The following RABEP1 variants were observed in gnomAD, a reference collection of about 807,000 sequenced individuals.
The protein encoded by RABEP1 is rabaptin, RAB GTPase binding effector protein 1.
In RABEP1, 51 loss-of-function variants were observed where a neutral mutation model predicts 123.4. The ratio of observed to expected loss-of-function variants is 0.41; its 90% confidence interval spans 0.33 to 0.52. The LOEUF (loss-of-function observed/expected upper bound fraction) is 0.52. RABEP1 is among the 20% of genes least tolerant of loss of function. RABEP1 has a pLI of 0.16. For synonymous variants in RABEP1, 347 were observed against 355.2 expected, an observed-to-expected ratio of 0.98 and a Z score of 0.26; for missense variants, 888 against 996.3, an observed-to-expected ratio of 0.89 and a Z score of 1.46.
intron 1 of RABEP1, among the ~76,000 whole-genome samples, chr17:5,306,364 A>G (rs1347558613): frequency 2.0e-5 from 3 of 152,230 alleles, no homozygotes; most frequent in Non-Finnish European, 4.4e-5. Flanking sequence ...ACGGTGGCTC[A>G]TGCCTGTGAT....
intron 8 of RABEP1, among the ~76,000 whole-genome samples, chr17:5,360,398 T>C (rs1217390430): frequency 1.3e-5 from 2 of 152,110 alleles, no homozygotes; most frequent in Non-Finnish European, 2.9e-5. Flanking sequence ...CCATCTCTAC[T>C]AAAAATAGAA....
At chr17:5,308,599 C>T in intron 1 of RABEP1, 95 bp from the exon 2 acceptor site, 2 of 1,127,346 alleles carry the variant, frequency 1.8e-6, no homozygotes, top group South Asian at 1.8e-5. Flanking sequence ...CTACTTGTTT[C>T]ACGTATAGCA....
intron 8 of RABEP1, among the ~76,000 whole-genome samples, chr17:5,355,813 T>C (rs1180241277): frequency 5.3e-5 from 8 of 152,216 alleles, no homozygotes; most frequent in Non-Finnish European, 1.5e-5. Flanking sequence ...TATATTGAAG[T>C]TGTTTTGTTC....
chr17:5,360,972 TGAAGCCGTA>T, intron 8 of RABEP1: 1 of 502,238 alleles, frequency 2.0e-6, no homozygotes, highest in Non-Finnish European at 3.6e-6. Context: ...TTTTTTTTTT[TGAAGCCGTA>T]TGTATCTCGA....
At chr17:5,302,508 TG>T (rs2075144589) in intron 1 of RABEP1, among the ~76,000 whole-genome samples, 1 of 151,750 alleles carries the variant, frequency 6.6e-6, no homozygotes, top group African/African-American at 2.4e-5. Context: ...CCCAAGATGC[TG>T]GGATTACAGT....
At chr17:5,290,167 A>C (rs1235904098) in intron 1 of RABEP1, among the ~76,000 whole-genome samples, 1 of 152,196 alleles carries the variant, frequency 6.6e-6, no homozygotes, top group East Asian at 1.9e-4. Context: ...AGCTCACTGC[A>C]AGCTCCGCCT....
intron 8 of RABEP1, chr17:5,356,381 TTTGGAGAG>T (rs1185220516): frequency 6.5e-6 from 1 of 154,256 alleles, no homozygotes; most frequent in Non-Finnish European, 1.4e-5. Context: ...TCTGAGATGC[TTTGGAGAG>T]TTGGATTTAT....
intron 2 of RABEP1, among the ~76,000 whole-genome samples, chr17:5,310,300 C>G (rs7212514): frequency 0.45 from 41,933 of 93,116 alleles, 8,640 homozygotes; most frequent in East Asian, 0.78. Context: ...AAAGCTTCGT[C>G]CTTTTTTTTT....
chr17:5,338,102 G>A lies in RABEP1; in HGVS notation c.612G>A (p.Glu204=). 6.2e-7 allele frequency: 1 copy of A among 1,613,436 alleles called. No homozygotes were observed. Among genetic ancestry groups the A allele is most frequent in the Non-Finnish European group, 8.5e-7 (1 of 1,179,540 alleles). ...EIAALKDKLT[E]AEDKIKELEA... ...CAGCTTTGAAGGATAAACTGACAGAGGCTGAAGACAAAATTAAAGAGCTGG... is the reference window on the plus strand; with the variant it reads ...CAGCTTTGAAGGATAAACTGACAGAAGCTGAAGACAAAATTAAAGAGCTGG... The change falls in exon 5 of 18, where the codon GAG becomes GAA. Residue 204 remains glutamate, a synonymous_variant. Transcript: ENST00000537505.
At chr17:5,367,554 T>G (rs561100375) in intron 11 of RABEP1, among the ~76,000 whole-genome samples, 2 of 148,836 alleles carry the variant, frequency 1.3e-5, no homozygotes, top group African/African-American at 2.5e-5. Flanking sequence ...CAGGCGTGAG[T>G]CACCGTGCCC....
chr17:5,308,049 A>G (rs1222807999), intron 1 of RABEP1, among the ~76,000 whole-genome samples: 1 of 152,206 alleles, frequency 6.6e-6, no homozygotes, highest in African/African-American at 2.4e-5. Flanking sequence ...TTGTGGGATA[A>G]GTAGTTCAAA....
chr17:5,302,729 T>A (rs531927341), intron 1 of RABEP1, among the ~76,000 whole-genome samples: 1 of 152,032 alleles, frequency 6.6e-6, no homozygotes, highest in South Asian at 2.1e-4. Flanking sequence ...GATCTCACTC[T>A]GTTGCCCAGG....
At chr17:5,297,554 T>C (rs1336277912) in intron 1 of RABEP1, among the ~76,000 whole-genome samples, 1 of 152,212 alleles carries the variant, frequency 6.6e-6, no homozygotes. Flanking sequence ...ACTAGCTGTA[T>C]ATCAATAGGT....
intron 2 of RABEP1, among the ~76,000 whole-genome samples, chr17:5,328,530 C>A (rs561359880): frequency 6.6e-6 from 1 of 151,634 alleles, no homozygotes; most frequent in African/African-American, 2.4e-5. Flanking sequence ...CCTATAGTCC[C>A]AGCTACGTGG....
chr17:5,300,486 G>A (rs1245772960), intron 1 of RABEP1, among the ~76,000 whole-genome samples: 1 of 152,164 alleles, frequency 6.6e-6, no homozygotes, highest in Non-Finnish European at 1.5e-5. Context: ...TACTGAGGTA[G>A]TATTGGTCAA....
In RABEP1 at chr17:5,331,662, C is replaced by G. The variant is rs541037078; in HGVS notation, c.164-287C>G. 3.3e-4 allele frequency among the ~76,000 whole-genome samples: 50 copies of G among 152,156 alleles called. 2 individuals carry two copies. In the South Asian group the frequency reaches 9.8e-3, roughly 30 times the overall value. ...GTGGCTGTTTTTAACTTCCATTTTG[C>G]AGATGTGGAAACTTAGGCCAGAGAG... On this transcript the variant is annotated intron_variant, in intron 2 of 17. Coordinates refer to ENST00000537505, the MANE Select transcript of RABEP1 (RefSeq NM_004703.6).
intron 2 of RABEP1, among the ~76,000 whole-genome samples, chr17:5,326,072 G>T (rs1452022231): frequency 6.6e-6 from 1 of 152,128 alleles, no homozygotes; most frequent in Non-Finnish European, 1.5e-5. Context: ...AGCCACTTTG[G>T]GATGTAAGTT....
Position 5,384,626 on chromosome 17 carries a change from G to C in RABEP1, c.*1403G>C, listed in dbSNP as rs11558. 14,111 of 213,872 alleles carry C rather than the reference G, an allele frequency of 0.066. 605 individuals are homozygous for C. Among genetic ancestry groups the C allele is most frequent in the Non-Finnish European group, 0.096 (10,197 of 106,114 alleles). The allele number at this position is 213,872 out of a possible 1,614,324, so 13.2% of individuals were successfully genotyped here. A position where few individuals can be genotyped will look rare whatever the true frequency, so the allele number is the denominator to read the frequency against. ...TACCCTAAAGATCTTCTGTACTTCT[G>C]TCTTCCATAGGACAAATGATAAGTA... On this transcript the variant is annotated 3_prime_UTR_variant, in exon 18 of 18. Coordinates refer to ENST00000537505, the MANE Select transcript of RABEP1 (RefSeq NM_004703.6).
intron 11 of RABEP1, among the ~76,000 whole-genome samples, chr17:5,367,481 G>A (rs1289836309): frequency 2.0e-5 from 3 of 151,862 alleles, no homozygotes; most frequent in African/African-American, 7.2e-5. Context: ...ATCTTGGCCA[G>A]GCTGGTCTCG....
Sources: allele counts gnomAD v4.1 joint callset (sites outside exome capture counted in the v4.1 genomes callset), GRCh38; gene constraint gnomAD v4.1.1; transcripts MANE v1.5; gene names NCBI Gene and HGNC (gene_info 2026-07-23, HGNC 2026-07-21).